The following IMMP2L variants were observed in gnomAD, a reference collection of about 807,000 sequenced individuals.
IMMP2L encodes mitochondrial inner membrane protease subunit 2.
IMMP2L carries 18 observed loss-of-function variants against 19.3 expected under a neutral mutation model. The observed-to-expected ratio is 0.93, with a 90% CI of 0.64 to 1.38. The LOEUF (loss-of-function observed/expected upper bound fraction) is 1.38, where lower values mean the gene tolerates loss of function less well. Among genes scored for constraint, IMMP2L ranks in the 40% most tolerant of loss-of-function variants. The pLI is 0.00. For synonymous variants in IMMP2L, 76 were observed against 73.0 expected, an observed-to-expected ratio of 1.04 and a Z score of -0.21; for missense variants, 233 against 218.2, an observed-to-expected ratio of 1.07 and a Z score of -0.43.
chr7:111,357,551 C>G (rs1828840179), intron 3 of IMMP2L, among the ~76,000 whole-genome samples: 1 of 152,096 alleles, frequency 6.6e-6, no homozygotes, highest in South Asian at 2.1e-4. Context: ...CTGGTCTGTC[C>G]TTTTACAACT....
intron 3 of IMMP2L, among the ~76,000 whole-genome samples, chr7:111,331,516 A>G (rs1360538335): frequency 6.6e-6 from 1 of 151,836 alleles, no homozygotes; most frequent in East Asian, 1.9e-4. Context: ...ATTATAGTCA[A>G]TAATAGAGTA....
At chr7:111,003,896 TAAAAC>T (rs1043432826) in intron 3 of IMMP2L, among the ~76,000 whole-genome samples, 1 of 152,218 alleles carries the variant, frequency 6.6e-6, no homozygotes, top group Non-Finnish European at 1.5e-5. Context: ...ATATTTCACT[TAAAAC>T]AAATTTTTTT....
intron 3 of IMMP2L, among the ~76,000 whole-genome samples, chr7:111,260,537 A>G (rs996949608): frequency 1.3e-5 from 2 of 152,164 alleles, no homozygotes; most frequent in Non-Finnish European, 2.9e-5. Context: ...GATGTTAACT[A>G]AAACAACAAA....
intron 1 of IMMP2L, chr7:111,532,678 G>C (rs1028686081): frequency 6.6e-6 from 1 of 151,882 alleles, no homozygotes; most frequent in Admixed American, 6.6e-5. Context: ...GCTAGCCCAG[G>C]GACTATTACT....
intron 3 of IMMP2L, among the ~76,000 whole-genome samples, chr7:110,976,198 T>C (rs1820678658): frequency 6.6e-6 from 1 of 152,096 alleles, no homozygotes; most frequent in Non-Finnish European, 1.5e-5. Context: ...TAAGATGATA[T>C]GAAGGTAGTG....
intron 1 of IMMP2L, among the ~76,000 whole-genome samples, chr7:111,556,363 C>T (rs1482815071): frequency 6.6e-6 from 1 of 152,010 alleles, no homozygotes; most frequent in African/African-American, 2.4e-5. Flanking sequence ...TACTATGTCT[C>T]ACTACAGTAA....
chr7:111,194,671 A>T (rs1260004243), intron 3 of IMMP2L, among the ~76,000 whole-genome samples: 1 of 152,194 alleles, frequency 6.6e-6, no homozygotes, highest in African/African-American at 2.4e-5. Context: ...AGCTGATAAA[A>T]ACAATAATCA....
intron 3 of IMMP2L, among the ~76,000 whole-genome samples, chr7:111,088,136 G>A (rs1458160034): frequency 6.6e-6 from 1 of 152,018 alleles, no homozygotes; most frequent in Admixed American, 6.6e-5. Context: ...GCACACAGGC[G>A]AATAAAGCCC....
At chr7:111,526,256 C>G (rs1358972359) in intron 1 of IMMP2L, among the ~76,000 whole-genome samples, 1 of 152,108 alleles carries the variant, frequency 6.6e-6, no homozygotes, top group African/African-American at 2.4e-5. Flanking sequence ...TAAACAATAC[C>G]TTACATTTCA....
At chr7:111,018,506 GATCTAC>G (rs1173788856) in intron 3 of IMMP2L, among the ~76,000 whole-genome samples, 1 of 152,156 alleles carries the variant, frequency 6.6e-6, no homozygotes, top group African/African-American at 2.4e-5. Flanking sequence ...CTGTGGTTAA[GATCTAC>G]AACGTAGAAA....
At chr7:111,357,259 A>C (rs1443754819) in intron 3 of IMMP2L, among the ~76,000 whole-genome samples, 2 of 152,200 alleles carry the variant, frequency 1.3e-5, no homozygotes, top group Non-Finnish European at 1.5e-5. Context: ...AATACCATGC[A>C]GCAATGATCC....
In IMMP2L at chr7:110,662,942, G is replaced by T. The variant is rs1791185743; in HGVS notation, c.*660C>A. ...AAGAAAGGCTTGACTGTATGCAAGT[G>T]TCGACAGAATGGGTTCTCCATTACT... On this transcript the variant is annotated 3_prime_UTR_variant, in exon 6 of 6. Coordinates refer to ENST00000405709, the MANE Select transcript of IMMP2L (RefSeq NM_032549.4). The T allele has an allele frequency of 6.6e-6, 1 of 152,348 alleles. No homozygotes were observed. The highest frequency in any genetic ancestry group is 1.5e-5 in the Non-Finnish European group (1 of 68,164). The allele number at this position is 152,348 out of a possible 1,614,324, so 9.4% of individuals were successfully genotyped here. A position where few individuals can be genotyped will look rare whatever the true frequency, so the allele number is the denominator to read the frequency against.
chr7:111,415,468 G>C (rs1834876443), intron 3 of IMMP2L, among the ~76,000 whole-genome samples: 1 of 151,780 alleles, frequency 6.6e-6, no homozygotes, highest in Non-Finnish European at 1.5e-5. Flanking sequence ...AAGCCACTAA[G>C]TTTGTGGCTT....
intron 3 of IMMP2L, among the ~76,000 whole-genome samples, chr7:111,145,015 G>A (rs1034605615): frequency 1.3e-5 from 2 of 152,080 alleles, no homozygotes; most frequent in Admixed American, 6.6e-5. Context: ...CTAAATAGGT[G>A]CAAAGAAGGA....
intron 4 of IMMP2L, among the ~76,000 whole-genome samples, chr7:110,954,711 T>C (rs1213865453): frequency 1.3e-5 from 2 of 152,118 alleles, no homozygotes; most frequent in South Asian, 4.1e-4. Context: ...TCATAGTTTG[T>C]GCTCATGGCT....
intron 3 of IMMP2L, among the ~76,000 whole-genome samples, chr7:111,024,419 T>C (rs894595702): frequency 6.6e-6 from 1 of 152,240 alleles, no homozygotes; most frequent in African/African-American, 2.4e-5. Context: ...TCCTAGGAAC[T>C]CCAAATGCCT....
intron 5 of IMMP2L, among the ~76,000 whole-genome samples, chr7:110,678,114 T>C (rs73433300): frequency 0.012 from 1,854 of 152,290 alleles, 45 homozygotes; most frequent in African/African-American, 0.042. Context: ...AGTACCTTAC[T>C]AGCAATTCTA....
At position 110,663,440 on chromosome 7, in the gene IMMP2L, T is replaced by A; in HGVS notation, c.*162A>T. On this transcript the variant is annotated 3_prime_UTR_variant, in exon 6 of 6. Coordinates refer to ENST00000405709, the MANE Select transcript of IMMP2L (RefSeq NM_032549.4). ...GTGCCATTTAATACTGTTTAACATTTGAAAATTATTTATTTAATAATACAG... is the reference window on the plus strand; with the variant it reads ...GTGCCATTTAATACTGTTTAACATTAGAAAATTATTTATTTAATAATACAG... 1.7e-6 allele frequency: 1 copy of A among 577,154 alleles called. No homozygotes were observed. Among genetic ancestry groups the A allele is most frequent in the Non-Finnish European group, 2.9e-6 (1 of 344,944 alleles). 35.8% of individuals were successfully genotyped at this position (577,154 alleles called of 1,614,324 possible). A position where few individuals can be genotyped will look rare whatever the true frequency, so the allele number is the denominator to read the frequency against.
intron 3 of IMMP2L, among the ~76,000 whole-genome samples, chr7:110,979,717 C>G (rs997197417): frequency 2.0e-5 from 3 of 151,466 alleles, no homozygotes; most frequent in African/African-American, 7.3e-5. Context: ...ACCAAAAAAA[C>G]CTCAATAGTA....
Sources: gnomAD v4.1 joint callset for allele counts (sites outside exome capture counted in the v4.1 genomes callset) on GRCh38, gnomAD v4.1.1 for gene constraint, MANE v1.5 for transcripts, NCBI Gene and HGNC (gene_info 2026-07-23, HGNC 2026-07-21) for gene names.